The following ENPP6 variants were observed in gnomAD, a reference collection of about 807,000 sequenced individuals.
ENPP6 encodes ectonucleotide pyrophosphatase/phosphodiesterase 6, also known as glycerophosphocholine cholinephosphodiesterase ENPP6.
A neutral mutation model predicts 42.0 loss-of-function variants in ENPP6; 32 were observed. That is an observed-to-expected ratio of 0.76 (90% CI 0.58 to 1.02). The LOEUF is 1.02. Among genes scored for constraint, ENPP6 ranks in the 50% least tolerant of loss-of-function variants. The pLI, the probability that ENPP6 is intolerant of heterozygous loss-of-function variation, is 0.00. For synonymous variants in ENPP6, 213 were observed against 216.0 expected, an observed-to-expected ratio of 0.99 and a Z score of 0.12; for missense variants, 552 against 566.8, an observed-to-expected ratio of 0.97 and a Z score of 0.27.
intron 1 of ENPP6, among the ~76,000 whole-genome samples, chr4:184,155,550 C>G (rs4495080): frequency 0.31 from 46,811 of 151,906 alleles, 8,000 homozygotes; most frequent in Middle Eastern, 0.42. Context: ...GGTCAGGAAC[C>G]AAAGAAGAGC....
intron 6 of ENPP6, among the ~76,000 whole-genome samples, chr4:184,106,911 G>A (rs1266607068): frequency 2.0e-5 from 3 of 152,312 alleles, no homozygotes; most frequent in Admixed American, 6.5e-5. Context: ...CTTCACGGTC[G>A]GGGATGGAAG....
intron 6 of ENPP6, among the ~76,000 whole-genome samples, chr4:184,101,590 T>A (rs1346920718): frequency 6.6e-6 from 1 of 152,126 alleles, no homozygotes; most frequent in African/African-American, 2.4e-5. Context: ...AGCGAGGTTT[T>A]GCCAACCAAA....
At chr4:184,168,276 C>A (rs893245694) in intron 1 of ENPP6, among the ~76,000 whole-genome samples, 1 of 151,722 alleles carries the variant, frequency 6.6e-6, no homozygotes, top group African/African-American at 2.4e-5. Flanking sequence ...GTCTTCCGCA[C>A]GATGTCTGGC....
At chr4:184,129,792 G>GA (rs1324814123) in intron 2 of ENPP6, among the ~76,000 whole-genome samples, 1 of 152,082 alleles carries the variant, frequency 6.6e-6, no homozygotes, top group Admixed American at 6.5e-5. Flanking sequence ...TATTTTGAAA[G>GA]AAAAAAGCTA....
intron 1 of ENPP6, among the ~76,000 whole-genome samples, chr4:184,180,464 A>G (rs1732533751): frequency 1.3e-5 from 2 of 152,340 alleles, no homozygotes; most frequent in South Asian, 4.1e-4. Context: ...TCAAGAAACT[A>G]TTCCAAACAA....
intron 1 of ENPP6, among the ~76,000 whole-genome samples, chr4:184,195,995 C>T (rs2111111279): frequency 6.6e-6 from 1 of 152,320 alleles, no homozygotes; most frequent in African/African-American, 2.4e-5. Flanking sequence ...AACTCAACTC[C>T]CAGGCTCCAT....
At chr4:184,207,155 A>AATG (rs1733015141) in intron 1 of ENPP6, among the ~76,000 whole-genome samples, 1 of 152,212 alleles carries the variant, frequency 6.6e-6, no homozygotes, top group South Asian at 2.1e-4. Flanking sequence ...AAATAATAAT[A>AATG]ATATACTGTG....
intron 1 of ENPP6, among the ~76,000 whole-genome samples, chr4:184,199,459 A>C (rs1014922675): frequency 6.6e-6 from 1 of 152,228 alleles, no homozygotes; most frequent in Non-Finnish European, 1.5e-5. Flanking sequence ...CCTTTAAAGA[A>C]TAATGTTTTC....
chr4:184,145,819 G>T (rs1356673251), intron 2 of ENPP6, among the ~76,000 whole-genome samples: 1 of 152,240 alleles, frequency 6.6e-6, no homozygotes, highest in East Asian at 1.9e-4. Flanking sequence ...GATGTGCGAT[G>T]CGTGTCAGGG....
chr4:184,156,154 G>T (rs1339077690), intron 1 of ENPP6, among the ~76,000 whole-genome samples: 2 of 152,172 alleles, frequency 1.3e-5, no homozygotes, highest in Non-Finnish European at 2.9e-5. Flanking sequence ...TCTTCTTTTG[G>T]TGGATTGGGC....
intron 5 of ENPP6, among the ~76,000 whole-genome samples, chr4:184,113,965 CTCTT>C (rs1267431698): frequency 4.7e-4 from 17 of 36,510 alleles, no homozygotes; most frequent in South Asian, 1.8e-3. Flanking sequence ...CTTTCTTTCT[CTCTT>C]TCTTTCTTTC....
At chr4:184,104,211 C>T (rs905856453) in intron 6 of ENPP6, among the ~76,000 whole-genome samples, 1 of 152,178 alleles carries the variant, frequency 6.6e-6, no homozygotes, top group East Asian at 1.9e-4. Context: ...TCCGAAGCCA[C>T]GTTTTCCAGA....
chr4:184,090,839 C>G lies in ENPP6; in HGVS notation c.*338G>C, dbSNP rs923144288. On this transcript the variant is annotated 3_prime_UTR_variant, in exon 8 of 8. Coordinates refer to ENST00000296741, the MANE Select transcript of ENPP6 (RefSeq NM_153343.4). ...TGGGACAGAGAGGGGCCCAGAGCCA[C>G]GTCTGTCTGCAATAACCACTCCAAG... 7.2e-6 allele frequency: 3 copies of G among 418,264 alleles called. No homozygotes were observed. The allele number at this position is 418,264 out of a possible 1,614,324, so 25.9% of individuals were successfully genotyped here.
At chr4:184,171,820 G>T (rs1272446802) in intron 1 of ENPP6, among the ~76,000 whole-genome samples, 1 of 151,800 alleles carries the variant, frequency 6.6e-6, no homozygotes, top group Non-Finnish European at 1.5e-5. Context: ...TATCCGGCAC[G>T]ATTCGAGATG....
intron 2 of ENPP6, among the ~76,000 whole-genome samples, chr4:184,137,570 A>G (rs1040860346): frequency 2.0e-5 from 3 of 152,246 alleles, no homozygotes; most frequent in Admixed American, 6.5e-5. Flanking sequence ...AGTTTTGCTC[A>G]TGGTGAGGAT....
chr4:184,150,095 T>A (rs1351832942), intron 2 of ENPP6, among the ~76,000 whole-genome samples: 2 of 152,176 alleles, frequency 1.3e-5, no homozygotes, highest in African/African-American at 4.8e-5. Flanking sequence ...TCTGGCTGAT[T>A]TGGGGGGCCT....
chr4:184,163,834 T>C (rs1240432861), intron 1 of ENPP6, among the ~76,000 whole-genome samples: 3 of 152,232 alleles, frequency 2.0e-5, no homozygotes. Flanking sequence ...AGACATGGGG[T>C]TACATTTGAG....
intron 2 of ENPP6, among the ~76,000 whole-genome samples, chr4:184,148,215 T>C (rs933689768): frequency 6.6e-6 from 1 of 152,214 alleles, no homozygotes; most frequent in African/African-American, 2.4e-5. Context: ...CTCATGGTTG[T>C]CTCCTGAGAG....
At chr4:184,097,128 G>T in intron 7 of ENPP6, 117 bp downstream of exon 7, 1 of 1,464,272 alleles carries the variant, frequency 6.8e-7, no homozygotes, top group Non-Finnish European at 9.2e-7. Flanking sequence ...GCTCTGCTTG[G>T]CTCATAAAGA....
Sources: gnomAD v4.1 joint callset for allele counts (sites outside exome capture counted in the v4.1 genomes callset) on GRCh38, gnomAD v4.1.1 for gene constraint, MANE v1.5 for transcripts, NCBI Gene and HGNC (gene_info 2026-07-23, HGNC 2026-07-21) for gene names.